The following ZNF483 variants were observed in gnomAD, a reference collection of about 807,000 sequenced individuals.
The protein encoded by ZNF483 is zinc finger protein 483.
Under a neutral mutation model 28.6 loss-of-function variants are expected in ZNF483, and 9 were observed. The observed-to-expected ratio is 0.32, with a 90% CI of 0.19 to 0.55. ZNF483 has a LOEUF of 0.55. Ranked by LOEUF, ZNF483 falls within the 20% of genes least tolerant of loss-of-function variation. ZNF483 has a pLI of 0.93. For synonymous variants in ZNF483, 322 were observed against 306.2 expected, an observed-to-expected ratio of 1.05 and a Z score of -0.54; for missense variants, 675 against 871.7, an observed-to-expected ratio of 0.77 and a Z score of 2.84.
chr9:111,542,017 C>T lies in ZNF483; in HGVS notation c.1082C>T (p.Ser361Phe). Residue 361 changes from serine to phenylalanine, a missense_variant, in exon 6 of 6, where the codon TCT (serine) becomes TTT (phenylalanine). Ser to Phe is a radical substitution (Grantham distance 155, BLOSUM62 -2). This residue lies in a region of ZNF483 where 525 missense variants were observed against 581.8 expected (regional missense o/e 0.90). Transcript: ENST00000309235. The surrounding 1 kb of genome is among the most constrained non-coding windows in gnomAD (Gnocchi z 6.2). ...EKTAGEKSRK[S>F]NDGGKVLSHS... Reference sequence around the variant, plus strand: ...ACCGCCGGAGAAAAGTCACGGAAATCTAATGATGGTGGGAAAGTCCTGAGT... The same window carrying T: ...ACCGCCGGAGAAAAGTCACGGAAATTTAATGATGGTGGGAAAGTCCTGAGT... 1 of 1,614,010 alleles carries T rather than the reference C, an allele frequency of 6.2e-7. No individual in the cohort carries two copies. The highest frequency in any genetic ancestry group is 1.3e-5 in the African/African-American group (1 of 75,032).
At chr9:111,534,428 T>C in intron 5 of ZNF483, 75 bp downstream of exon 5, 1 of 1,240,712 alleles carries the variant, frequency 8.1e-7, no homozygotes, top group Non-Finnish European at 1.2e-6. Flanking sequence ...CTTTGAAATG[T>C]TGGGCTGCCT....
rs547943259 is a variant in ZNF483, at chr9:111,544,573, C to G, written c.*1403C>G. ...TCTCTCATGTATGTCACCTGACTTT[C>G]CCACTGTATGAATGTTCTATTATAA... On this transcript the variant is annotated 3_prime_UTR_variant, in exon 6 of 6. Transcript: ENST00000309235. The G allele has an allele frequency of 6.4e-6, 1 of 157,136 alleles. No individual in the cohort carries two copies. The highest frequency in any genetic ancestry group is 1.9e-4 in the East Asian group (1 of 5,206). The allele number at this position is 157,136 out of a possible 1,614,324, so 9.7% of individuals were successfully genotyped here.
rs1564592838 is a variant in ZNF483, at chr9:111,533,631, T to G, written c.502-108T>G. The G allele has an allele frequency of 3.5e-6, 4 of 1,156,820 alleles. No homozygotes were observed. The East Asian group carries it at 1.2e-4, about 34-fold the overall frequency. The allele number at this position is 1,156,820 out of a possible 1,614,324, so 71.7% of individuals were successfully genotyped here. On this transcript the variant is annotated intron_variant, in intron 3 of 5. Transcript: ENST00000309235. ...CCTGCAGTGAACCATGAAGCACCAC[T>G]GCACTCTAACACGGGCGACAGAGCC... is the stretch of plus-strand genomic sequence containing the variant.
At chr9:111,527,869 C>T in intron 2 of ZNF483, 62 bp downstream of exon 2, 2 of 1,613,386 alleles carry the variant, frequency 1.2e-6, no homozygotes, top group Non-Finnish European at 1.7e-6. Context: ...AAAGTAAATT[C>T]CTCAAAAGAA....
In ZNF483 at chr9:111,552,852, A is replaced by G. The variant is rs2132286242; in HGVS notation, c.*9682A>G. 6.6e-6 allele frequency among the ~76,000 whole-genome samples: 1 copy of G among 152,254 alleles called. No individual in the cohort carries two copies. The highest frequency in any genetic ancestry group is 1.5e-5 in the Non-Finnish European group (1 of 68,006). ...TCTGTTCATGTATATCCAAGAGCAA[A>G]ATTGTTTAATGGTTTCATTGACGTT... is the stretch of plus-strand genomic sequence containing the variant. On this transcript the variant is annotated 3_prime_UTR_variant, in exon 6 of 6. Coordinates refer to ENST00000309235, the MANE Select transcript of ZNF483 (RefSeq NM_133464.5).
rs1827913441 is a variant in ZNF483, at chr9:111,550,668, C to T, written c.*7498C>T. On this transcript the variant is annotated 3_prime_UTR_variant, in exon 6 of 6. Coordinates refer to ENST00000309235, the MANE Select transcript of ZNF483 (RefSeq NM_133464.5). ...GATTCCTGGGCCACTCTATCCATGT[C>T]TTTGATTTTTCCTGCTTTCTTGAAG... Among the ~76,000 whole-genome samples, 1 of 152,306 alleles carries T rather than the reference C, an allele frequency of 6.6e-6. No individual in the cohort carries two copies. Among genetic ancestry groups the T allele is most frequent in the Non-Finnish European group, 1.5e-5 (1 of 68,018 alleles).
chr9:111,554,650 A>G lies in ZNF483; in HGVS notation c.*11480A>G, dbSNP rs1191323766. On this transcript the variant is annotated 3_prime_UTR_variant, in exon 6 of 6. Transcript: ENST00000309235. ...TGACATGGATATGCTGGACAAAGGG[A>G]TAATTTGTGTCCTAGGAGGCACGGA... Among the ~76,000 whole-genome samples the G allele has an allele frequency of 6.6e-6, 1 of 152,148 alleles. No individual in the cohort carries two copies. The highest frequency in any genetic ancestry group is 2.4e-5 in the African/African-American group (1 of 41,422).
chr9:111,559,985 C>T (rs1828227720), downstream of ZNF483, among the ~76,000 whole-genome samples: 1 of 152,138 alleles, frequency 6.6e-6, no homozygotes, highest in South Asian at 2.1e-4. Context: ...ATTTATTTAA[C>T]CCCTTATCTC....
At chr9:111,526,439 A>G (rs1229070222) in intron 1 of ZNF483, among the ~76,000 whole-genome samples, 2 of 152,218 alleles carry the variant, frequency 1.3e-5, no homozygotes, top group Non-Finnish European at 2.9e-5. Flanking sequence ...TGATAAGATC[A>G]TATTTTGCAT....
Position 111,549,833 on chromosome 9 carries a change from G to T in ZNF483, c.*6663G>T. The stretch of plus-strand genomic sequence containing the variant: ...ACAATCAGAACATTTAGCTCTTTGA[G>T]CATCTTTAAGGCAGTTGCTTTAAAG... On this transcript the variant is annotated 3_prime_UTR_variant, in exon 6 of 6. Transcript: ENST00000309235. The T allele has an allele frequency of 1.5e-6, 2 of 1,354,812 alleles. No individual in the cohort carries two copies. The highest frequency in any genetic ancestry group is 2.1e-6 in the Non-Finnish European group (2 of 970,464). 83.9% of individuals were successfully genotyped at this position (1,354,812 alleles called of 1,614,324 possible).
Position 111,543,080 on chromosome 9 carries a change from A to G in ZNF483, c.2145A>G (p.Gly715=). Reference sequence around the variant, plus strand: ...TAGAACACCTAAAAATTCATACCGGAAGGAGAGAATATGAATGTAACGAAT... The same window carrying G: ...TAGAACACCTAAAAATTCATACCGGGAGGAGAGAATATGAATGTAACGAAT... The part of the protein sequence containing the change: ...ILVEHLKIHT[G]RREYECNECE... Residue 715 remains glycine, a synonymous_variant, in exon 6 of 6, where the codon GGA becomes GGG. Transcript: ENST00000309235. The G allele has an allele frequency of 6.2e-7, 1 of 1,614,136 alleles. No homozygotes were observed. Among genetic ancestry groups the G allele is most frequent in the Non-Finnish European group, 8.5e-7 (1 of 1,180,000 alleles).
At chr9:111,564,261 A>G in intron 5 of ZNF483, 1 of 913,950 alleles carries the variant, frequency 1.1e-6, no homozygotes, top group Non-Finnish European at 1.4e-6. Flanking sequence ...AAAGTAGGGA[A>G]GCTGAAATTT....
chr9:111,538,920 T>G (rs766657592), intron 5 of ZNF483, among the ~76,000 whole-genome samples: 2 of 151,948 alleles, frequency 1.3e-5, no homozygotes, highest in African/African-American at 2.4e-5. Context: ...GAGACCAACC[T>G]GGCCAACATG....
downstream of ZNF483, among the ~76,000 whole-genome samples, chr9:111,557,441 ATCT>A (rs1476351773): frequency 1.6e-5 from 1 of 61,308 alleles, no homozygotes; most frequent in Non-Finnish European, 3.3e-5. Context: ...AAAACTCATT[ATCT>A]TTTTTTTGCT....
At chr9:111,567,517 G>A (rs982770414) in intron 5 of ZNF483, among the ~76,000 whole-genome samples, 6 of 152,156 alleles carry the variant, frequency 3.9e-5, no homozygotes, top group African/African-American at 9.7e-5. Context: ...CTTGCAGGAC[G>A]TGAGAGAATT....
intron 5 of ZNF483, among the ~76,000 whole-genome samples, chr9:111,535,835 G>A (rs543952694): frequency 2.3e-4 from 35 of 151,506 alleles, no homozygotes; most frequent in Non-Finnish European, 4.6e-4. Context: ...ATGAGCCACC[G>A]TGCCCGGCCA....
chr9:111,563,230 C>A, intron 5 of ZNF483: 1 of 1,611,076 alleles, frequency 6.2e-7, no homozygotes, highest in Non-Finnish European at 8.5e-7. Context: ...CTGGATTTTA[C>A]CCTGTATCAA....
At chr9:111,570,076 T>C in intron 5 of ZNF483, 1 of 1,613,900 alleles carries the variant, frequency 6.2e-7, no homozygotes, top group Non-Finnish European at 8.5e-7. Flanking sequence ...AAGGGGTGGC[T>C]CCGGAGCTCC....
chr9:111,560,631 CATCTCAAAAAAAAAAAAAAAAAAAA>C (rs1049665180), intron 5 of ZNF483, among the ~76,000 whole-genome samples: 1 of 82,216 alleles, frequency 1.2e-5, no homozygotes, highest in African/African-American at 5.8e-5. Context: ...ACAGAGACAC[CATCTCAAAAAAAAAAAAAAAAAAAA>C]AAAGGCACCA....
Sources: allele counts gnomAD v4.1 joint callset (sites outside exome capture counted in the v4.1 genomes callset), GRCh38; gene constraint gnomAD v4.1.1; regional missense constraint gnomAD v4.1.1; non-coding constraint Gnocchi (gnomAD v3.1); transcripts MANE v1.5; gene names NCBI Gene and HGNC (gene_info 2026-07-23, HGNC 2026-07-21).